Variants in PXDNL observed in about 807,000 individuals in gnomAD.
PXDNL encodes the protein probable oxidoreductase PXDNL.
A neutral mutation model predicts 150.8 loss-of-function variants in PXDNL; 145 were observed. The ratio of observed to expected loss-of-function variants is 0.96; its 90% CI spans 0.84 to 1.10. The LOEUF (loss-of-function observed/expected upper bound fraction) is 1.10. PXDNL is among the 50% of genes least tolerant of loss of function. The probability of loss-of-function intolerance (pLI) is 0.00; values close to 1 mark genes in which losing one functional copy is unlikely to be tolerated. For missense variants in PXDNL, 2,087 were observed against 1,873.9 expected (o/e 1.11, Z -2.10); for synonymous variants, 757 against 725.7 (o/e 1.04, Z -0.69).
Position 51,472,293 on chromosome 8 carries a change from T to C in PXDNL, c.706A>G (p.Ile236Val), listed in dbSNP as rs1486710064. 1 of 1,611,856 alleles carries C rather than the reference T, an allele frequency of 6.2e-7. No individual in the cohort carries two copies. Residue 236 changes from isoleucine (I) to valine (V), a missense_variant, in exon 8 of 23, where the codon ATT (isoleucine) becomes GTT (valine). Coordinates refer to ENST00000356297, the MANE Select transcript of PXDNL (RefSeq NM_144651.5). ...VEEFNCQSPRITFEPQDVEVP... is the reference protein window; with the variant it reads ...VEEFNCQSPRVTFEPQDVEVP... ...TCCACATCCTGCGGCTCAAAAGTAA[T>C]TCGGGGGCTCTCTGCAACAAAAGAA...
chr8:51,608,266 G>A (rs183359034), intron 2 of PXDNL, among the ~76,000 whole-genome samples: 1,763 of 147,164 alleles, frequency 0.012, 112 homozygotes, highest in South Asian at 0.025. Context: ...GCGGGTGCCT[G>A]TAATCCCAGC....
intron 1 of PXDNL, among the ~76,000 whole-genome samples, chr8:51,735,572 A>G (rs1585710656): frequency 8.8e-6 from 1 of 114,052 alleles, no homozygotes; most frequent in African/African-American, 3.7e-5. Flanking sequence ...TTTGAGACGG[A>G]GTCTCGCTCT....
chr8:51,666,962 T>G (rs149672331), intron 1 of PXDNL, among the ~76,000 whole-genome samples: 1 of 152,232 alleles, frequency 6.6e-6, no homozygotes, highest in Non-Finnish European at 1.5e-5. Context: ...CCACCCCGAT[T>G]TTCTGTTTCC....
chr8:51,333,233 A>G (rs551670851), intron 21 of PXDNL, among the ~76,000 whole-genome samples: 1 of 152,218 alleles, frequency 6.6e-6, no homozygotes, highest in Non-Finnish European at 1.5e-5. Context: ...GTAAACAGCG[A>G]AACTAAGCAA....
chr8:51,565,321 A>AGG, intron 3 of PXDNL, among the ~76,000 whole-genome samples: 1 of 135,596 alleles, frequency 7.4e-6, no homozygotes, highest in African/African-American at 3.2e-5. Flanking sequence ...TAAATAAATA[A>AGG]ATAGATAGAT....
intron 2 of PXDNL, among the ~76,000 whole-genome samples, chr8:51,629,669 A>G (rs1277187975): frequency 6.6e-6 from 1 of 152,140 alleles, no homozygotes; most frequent in Non-Finnish European, 1.5e-5. Context: ...TTAAAGCACT[A>G]AGAGAGAAGC....
chr8:51,714,465 A>G (rs1271167479), intron 1 of PXDNL, among the ~76,000 whole-genome samples: 1 of 152,134 alleles, frequency 6.6e-6, no homozygotes, highest in African/African-American at 2.4e-5. Flanking sequence ...CTGTGCTTTT[A>G]ATTTATTTTC....
chr8:51,791,932 A>C (rs2037517171), intron 1 of PXDNL, among the ~76,000 whole-genome samples: 1 of 152,214 alleles, frequency 6.6e-6, no homozygotes, highest in Admixed American at 6.5e-5. Context: ...TCCCACTTAG[A>C]AAAAATAAAT....
chr8:51,787,611 T>C (rs187216735), intron 1 of PXDNL, among the ~76,000 whole-genome samples: 15 of 152,174 alleles, frequency 9.9e-5, no homozygotes, highest in African/African-American at 3.6e-4. Context: ...CTTGAACAAA[T>C]GAGTTCTTGC....
At chr8:51,608,312 C>T (rs1813911416) in intron 2 of PXDNL, among the ~76,000 whole-genome samples, 1 of 144,294 alleles carries the variant, frequency 6.9e-6, no homozygotes. Context: ...TGGCGTGAAC[C>T]CGGGAGGCGG....
At chr8:51,680,086 T>C (rs181472818) in intron 1 of PXDNL, among the ~76,000 whole-genome samples, 53 of 152,388 alleles carry the variant, frequency 3.5e-4, no homozygotes, top group African/African-American at 1.3e-3. Flanking sequence ...TCATTTACAA[T>C]AAGCTCTGAT....
At chr8:51,707,401 A>G (rs956204772) in intron 1 of PXDNL, among the ~76,000 whole-genome samples, 13 of 152,212 alleles carry the variant, frequency 8.5e-5, no homozygotes, top group Non-Finnish European at 1.3e-4. Context: ...GAGTTTGGAC[A>G]TATGCCTATA....
chr8:51,767,281 C>T (rs559415722), intron 1 of PXDNL, among the ~76,000 whole-genome samples: 1 of 151,818 alleles, frequency 6.6e-6, no homozygotes, highest in East Asian at 1.9e-4. Context: ...TTTCTTCTAC[C>T]CTCCTCCTTT....
intron 3 of PXDNL, among the ~76,000 whole-genome samples, chr8:51,587,008 T>C (rs1001109159): frequency 7.2e-5 from 11 of 152,174 alleles, no homozygotes; most frequent in Non-Finnish European, 1.0e-4. Context: ...TTTTGCCCCA[T>C]GGGTAATTTG....
chr8:51,465,175 T>A (rs1810177231), intron 8 of PXDNL, among the ~76,000 whole-genome samples: 1 of 151,914 alleles, frequency 6.6e-6, no homozygotes, highest in South Asian at 2.1e-4. Flanking sequence ...GCAAACTGAA[T>A]CCAGCAGTAC....
intron 14 of PXDNL, among the ~76,000 whole-genome samples, chr8:51,419,892 T>A (rs567784954): frequency 5.3e-5 from 8 of 152,212 alleles, no homozygotes; most frequent in Non-Finnish European, 1.2e-4. Context: ...AAAGGATAGA[T>A]TCCCAGGAAA....
At chr8:51,618,348 A>C (rs1814173316) in intron 2 of PXDNL, among the ~76,000 whole-genome samples, 1 of 152,232 alleles carries the variant, frequency 6.6e-6, no homozygotes, top group Non-Finnish European at 1.5e-5. Context: ...TAAATGAAAA[A>C]ACTGAATAAA....
intron 1 of PXDNL, among the ~76,000 whole-genome samples, chr8:51,686,480 G>T (rs1316921240): frequency 1.3e-5 from 2 of 152,180 alleles, no homozygotes; most frequent in African/African-American, 4.8e-5. Flanking sequence ...CCCAATCGGG[G>T]GGGCAAGGTC....
In PXDNL at chr8:51,320,968, G is replaced by T. The variant is rs899776538; in HGVS notation, c.4147-71C>A. On this transcript the variant is annotated intron_variant, in intron 21 of 22. Transcript: ENST00000356297. ...AGCAACAAAGCCAATCAATAACATG[G>T]TTTGATGAAATGCTCTATTCTGTAA... The T allele has an allele frequency of 6.2e-6, 7 of 1,128,350 alleles. No homozygotes were observed. In the Admixed American group the frequency reaches 8.7e-5, roughly 14 times the overall value. 69.9% of individuals were successfully genotyped at this position (1,128,350 alleles called of 1,614,324 possible).
Sources: gnomAD v4.1 joint callset for allele counts (sites outside exome capture counted in the v4.1 genomes callset) on GRCh38, gnomAD v4.1.1 for gene constraint, MANE v1.5 for transcripts, NCBI Gene and HGNC (gene_info 2026-07-23, HGNC 2026-07-21) for gene names.